Variants in CFAP74 observed in about 807,000 individuals in gnomAD.
The protein encoded by CFAP74 is cilia and flagella associated protein 74, also known as cilia- and flagella-associated protein 74.
CFAP74 carries 124 observed loss-of-function variants against 188.9 expected under a neutral mutation model. The ratio of observed to expected loss-of-function variants is 0.66; its 90% CI spans 0.57 to 0.76. CFAP74 has a LOEUF of 0.76. CFAP74 is among the 30% of genes least tolerant of loss of function. The probability of loss-of-function intolerance (pLI) is 0.00; values close to 1 mark genes in which losing one functional copy is unlikely to be tolerated. For missense variants in CFAP74, 2,198 were observed against 2,165.2 expected (o/e 1.02, Z -0.30); for synonymous variants, 956 against 916.7 (o/e 1.04, Z -0.77).
chr1:1,985,940 C>T (rs971216620), intron 5 of CFAP74, among the ~76,000 whole-genome samples: 4 of 152,232 alleles, frequency 2.6e-5, no homozygotes, highest in African/African-American at 9.6e-5. Context: ...ACTTCCCGGG[C>T]GGTGGGCGGT....
chr1:1,963,387 G>T (rs1466527436), intron 14 of CFAP74, among the ~76,000 whole-genome samples: 1 of 143,804 alleles, frequency 7.0e-6, no homozygotes, highest in Non-Finnish European at 1.5e-5. Context: ...GGAGGTAGAG[G>T]TTGCAGTGAG....
chr1:1,982,275 AGCC>A (rs1386648884), intron 6 of CFAP74, among the ~76,000 whole-genome samples: 4,769 of 109,276 alleles, frequency 0.044, 201 homozygotes, highest in South Asian at 0.079. Flanking sequence ...CAGGACACCC[AGCC>A]GTGGTCACAC....
intron 25 of CFAP74, among the ~76,000 whole-genome samples, chr1:1,936,818 A>G (rs1652927982): frequency 6.6e-6 from 1 of 151,180 alleles, no homozygotes; most frequent in Non-Finnish European, 1.5e-5. Context: ...AGGTGGGAGG[A>G]TTGCTTGAAC....
intron 6 of CFAP74, among the ~76,000 whole-genome samples, chr1:1,978,202 T>C (rs1270566463): frequency 6.6e-6 from 1 of 152,242 alleles, no homozygotes; most frequent in Non-Finnish European, 1.5e-5. Context: ...TTCTTCATTA[T>C]GGCTCCAGTG....
At chr1:1,940,713 T>C (rs1409841700) in intron 22 of CFAP74, among the ~76,000 whole-genome samples, 2 of 152,248 alleles carry the variant, frequency 1.3e-5, no homozygotes, top group Non-Finnish European at 1.5e-5. Flanking sequence ...TTCAAATTAA[T>C]ATGGAGTTTG....
chr1:1,926,739 C>T lies in CFAP74; in HGVS notation c.3685G>A (p.Glu1229Lys). The change falls in exon 30 of 39, where the codon GAG becomes AAG. Residue 1229 changes from glutamate to lysine, a missense_variant. Transcript: ENST00000682832. ...SFSPHNTLYL[E>K]LWCPTVAPSV... ...GGTGCCACCGTCGGGCACCACAGCT[C>T]CAGGTACAGGGTGTTGTGGGGGCTG... 1 of 1,550,144 alleles carries T rather than the reference C, an allele frequency of 6.5e-7. No homozygotes were observed.
intron 22 of CFAP74, among the ~76,000 whole-genome samples, chr1:1,940,982 G>A (rs550093558): frequency 2.2e-4 from 33 of 152,066 alleles, no homozygotes; most frequent in East Asian, 9.7e-4. Context: ...GCGTGGTGGC[G>A]GGCGCCTGTA....
chr1:1,947,039 G>T lies in CFAP74; in HGVS notation c.2192C>A (p.Thr731Asn). 6.5e-7 allele frequency: 1 copy of T among 1,536,034 alleles called. No homozygotes were observed. Among genetic ancestry groups the T allele is most frequent in the Non-Finnish European group, 8.7e-7 (1 of 1,146,770 alleles). ...EEQPAEPERL[T>N]TVIPPSEEQT... ...CTCTTCGCTGGGAGGTATCACTGTGGTTAATCTCTCTGGTTCTGGAAGAGA... is the reference window on the plus strand; with the variant it reads ...CTCTTCGCTGGGAGGTATCACTGTGTTTAATCTCTCTGGTTCTGGAAGAGA... The change falls in exon 19 of 39, where the codon ACC (threonine) becomes AAC (asparagine). Residue 731 changes from threonine (T) to asparagine (N), a missense_variant. Physicochemically the swap from Thr to Asn is moderately conservative, Grantham distance 65. Coordinates refer to ENST00000682832, the MANE Select transcript of CFAP74 (RefSeq NM_001304360.2).
At chr1:1,924,732 C>T (rs574985065) in intron 33 of CFAP74, among the ~76,000 whole-genome samples, 3 of 152,298 alleles carry the variant, frequency 2.0e-5, no homozygotes, top group Non-Finnish European at 2.9e-5. Flanking sequence ...GGCCGGGGCT[C>T]GGCTTCCCTG....
intron 2 of CFAP74, among the ~76,000 whole-genome samples, chr1:1,989,919 G>A (rs1336982387): frequency 6.6e-6 from 1 of 152,168 alleles, no homozygotes; most frequent in Non-Finnish European, 1.5e-5. Flanking sequence ...GGTGAAAACT[G>A]TCTTCATGAT....
chr1:1,970,632 C>A lies in CFAP74; in HGVS notation c.1046+27G>T, dbSNP rs773212463. On this transcript the variant is annotated intron_variant, in intron 10 of 38. Transcript: ENST00000682832. ...ACCCACTGACTGGGCGGGTGCCTCCCGGTGGCACCTCTGCCACCACCCTCA... is the reference window on the plus strand; with the variant it reads ...ACCCACTGACTGGGCGGGTGCCTCCAGGTGGCACCTCTGCCACCACCCTCA... 7 of 1,583,056 alleles carry A rather than the reference C, an allele frequency of 4.4e-6. No homozygotes were observed. The African/African-American group carries it at 6.7e-5, about 15-fold the overall frequency.
chr1:1,974,651 C>T (rs1656322044), intron 6 of CFAP74, among the ~76,000 whole-genome samples: 1 of 152,244 alleles, frequency 6.6e-6, no homozygotes, highest in Non-Finnish European at 1.5e-5. Context: ...GTGGAGTCAG[C>T]CAGCCCTGCC....
Position 1,923,050 on chromosome 1 carries a change from CT to C in CFAP74, c.4617del (p.Ala1540ProfsTer28). The C allele has an allele frequency of 6.2e-7, 1 of 1,608,032 alleles. No individual in the cohort carries two copies. The highest frequency in any genetic ancestry group is 8.5e-7 in the Non-Finnish European group (1 of 1,178,622). ...TGCAGCTCTCGGGTGGCAGGTGGGG[CT>C]GGCGTGTCTGTGTCAAACTGGATGT... is the stretch of plus-strand genomic sequence containing the variant. ...LDYIQFDTDT[P>X]APPATRELQV... On this transcript the variant is annotated frameshift_variant, in exon 37 of 39. Transcript: ENST00000682832. LOFTEE classifies it high-confidence loss of function. The surrounding 1 kb of genome is among the most constrained non-coding windows in gnomAD (Gnocchi z 6.3).
intron 6 of CFAP74, among the ~76,000 whole-genome samples, chr1:1,978,652 C>A (rs1334295400): frequency 6.6e-6 from 1 of 152,184 alleles, no homozygotes; most frequent in African/African-American, 2.4e-5. Flanking sequence ...TCCTCGGAGG[C>A]TTCCGTGGGG....
At chr1:1,922,913 G>T (rs1651499350) in intron 37 of CFAP74, 72 bp downstream of exon 37, 2 of 1,512,206 alleles carry the variant, frequency 1.3e-6, no homozygotes, top group South Asian at 2.7e-5. Context: ...AAGGCCAGGA[G>T]GGTCAGGGCT....
chr1:1,922,091 G>A lies in CFAP74; in HGVS notation c.*196C>T. On this transcript the variant is annotated 3_prime_UTR_variant, in exon 39 of 39. Coordinates refer to ENST00000682832, the MANE Select transcript of CFAP74 (RefSeq NM_001304360.2). ...GCTTCTGAGTCTGGGGTCTCAGGAG[G>A]GGTGCTCTTGGATGTCCCTGGGCTT... is the stretch of plus-strand genomic sequence containing the variant. 1 of 562,548 alleles carries A rather than the reference G, an allele frequency of 1.8e-6. No individual in the cohort carries two copies. Among genetic ancestry groups the A allele is most frequent in the Non-Finnish European group, 3.1e-6 (1 of 319,206 alleles). 34.8% of individuals were successfully genotyped at this position (562,548 alleles called of 1,614,324 possible). A position where few individuals can be genotyped will look rare whatever the true frequency, so the allele number is the denominator to read the frequency against.
intron 25 of CFAP74, among the ~76,000 whole-genome samples, chr1:1,932,036 A>T (rs1021385646): frequency 7.2e-6 from 1 of 138,062 alleles, no homozygotes; most frequent in Non-Finnish European, 1.5e-5. Context: ...ACTGCACTCC[A>T]GTCTGGGTGA....
At position 1,940,324 on chromosome 1, in the gene CFAP74, C is replaced by T; in HGVS notation, c.2695G>A (p.Ala899Thr). ...AGTGCCCCAACACAGACCTGGTCGG[C>T]AACCCATATGGTCATCGGGGCCTCC... is the stretch of plus-strand genomic sequence containing the variant. ...VLEAPMTIWV[A>T]DQNKPVGFTV... Residue 899 changes from alanine to threonine, a missense_variant, in exon 23 of 39, where the codon GCC becomes ACC. By Grantham distance (58) the Ala-to-Thr change is moderately conservative. Coordinates refer to ENST00000682832, the MANE Select transcript of CFAP74 (RefSeq NM_001304360.2). 6.5e-7 allele frequency: 1 copy of T among 1,535,786 alleles called. No individual in the cohort carries two copies. Among genetic ancestry groups the T allele is most frequent in the Non-Finnish European group, 8.7e-7 (1 of 1,146,720 alleles).
intron 25 of CFAP74, among the ~76,000 whole-genome samples, chr1:1,936,018 A>T (rs1652865082): frequency 6.7e-6 from 1 of 149,584 alleles, no homozygotes; most frequent in African/African-American, 2.5e-5. Flanking sequence ...AGGAGTTTGA[A>T]ACCAGCCTGA....
Sources: gnomAD v4.1 joint callset for allele counts (sites outside exome capture counted in the v4.1 genomes callset) on GRCh38, gnomAD v4.1.1 for gene constraint, Gnocchi (gnomAD v3.1) non-coding constraint, MANE v1.5 for transcripts, NCBI Gene and HGNC (gene_info 2026-07-23, HGNC 2026-07-21) for gene names.